The following MICU2 variants were observed in gnomAD, a reference collection of about 807,000 sequenced individuals.
MICU2 encodes the protein calcium uptake protein 2, mitochondrial.
In MICU2, 64 loss-of-function variants were observed where a neutral mutation model predicts 60.4. That is an observed-to-expected ratio of 1.06 (90% CI 0.87 to 1.31). The LOEUF (loss-of-function observed/expected upper bound fraction) is 1.31, where lower values mean the gene tolerates loss of function less well. Ranked by LOEUF, MICU2 falls within the 50% of genes most tolerant of loss-of-function variation. The pLI, the probability that MICU2 is intolerant of heterozygous loss-of-function variation, is 0.00. For missense variants in MICU2, 569 were observed against 531.0 expected (o/e 1.07, Z -0.70); for synonymous variants, 201 against 175.0 (o/e 1.15, Z -1.17).
At position 21,514,487 on chromosome 13, in the gene MICU2, A is replaced by C. The variant is rs1886515311; in HGVS notation, c.598-69T>G. 8.4e-6 allele frequency: 9 copies of C among 1,066,954 alleles called. No homozygotes were observed. The Admixed American group carries it at 1.4e-4, about 17-fold the overall frequency. 66.1% of individuals were successfully genotyped at this position (1,066,954 alleles called of 1,614,324 possible). A position where few individuals can be genotyped will look rare whatever the true frequency, so the allele number is the denominator to read the frequency against. ...TTTTTCAAAACAACCTAAAAAATAG[A>C]TGCCAACTTATTGTTATAAAATATA... On this transcript the variant is annotated intron_variant, in intron 6 of 11. Coordinates refer to ENST00000382374, the MANE Select transcript of MICU2 (RefSeq NM_152726.3).
intron 4 of MICU2, among the ~76,000 whole-genome samples, chr13:21,528,753 A>C (rs1886916860): frequency 1.3e-5 from 2 of 152,260 alleles, no homozygotes; most frequent in Admixed American, 6.5e-5. Context: ...AGCAATTATA[A>C]TAAAACGTGG....
intron 8 of MICU2, among the ~76,000 whole-genome samples, chr13:21,506,447 CA>C (rs1019460164): frequency 6.6e-6 from 1 of 152,148 alleles, no homozygotes; most frequent in Non-Finnish European, 1.5e-5. Context: ...GGTATTTGCA[CA>C]AATTCATGGT....
chr13:21,576,760 C>T (rs1223130959), intron 1 of MICU2, among the ~76,000 whole-genome samples: 1 of 152,188 alleles, frequency 6.6e-6, no homozygotes, highest in East Asian at 1.9e-4. Context: ...TGAATACTGA[C>T]TGATAGCAGT....
chr13:21,510,413 T>C (rs1405251383), intron 7 of MICU2, among the ~76,000 whole-genome samples: 2 of 152,202 alleles, frequency 1.3e-5, no homozygotes, highest in Non-Finnish European at 2.9e-5. Flanking sequence ...CTTCAAAATA[T>C]GATCTCTAGG....
At chr13:21,561,592 T>C (rs1244366125) in intron 2 of MICU2, among the ~76,000 whole-genome samples, 3 of 151,868 alleles carry the variant, frequency 2.0e-5, no homozygotes. Context: ...ATTTCCCTCA[T>C]TCTGAAATTT....
At chr13:21,577,674 G>A (rs1345900777) in intron 1 of MICU2, among the ~76,000 whole-genome samples, 4 of 151,646 alleles carry the variant, frequency 2.6e-5, no homozygotes, top group African/African-American at 7.3e-5. Context: ...GTGTGGTGGC[G>A]TGCACCTGTA....
intron 1 of MICU2, among the ~76,000 whole-genome samples, chr13:21,599,583 A>C (rs1330984354): frequency 1.3e-5 from 2 of 152,238 alleles, no homozygotes. Context: ...TTTGTTGGCC[A>C]GGTATAACAA....
At chr13:21,555,532 T>G (rs981126717) in intron 2 of MICU2, among the ~76,000 whole-genome samples, 5 of 152,086 alleles carry the variant, frequency 3.3e-5, no homozygotes, top group Non-Finnish European at 5.9e-5. Flanking sequence ...AAAATAATAA[T>G]AGCTATCTAT....
intron 10 of MICU2, 28 bp from the exon 11 acceptor site, chr13:21,495,346 CAACTATGTGAAAT>C (rs1255609740): frequency 1.3e-6 from 2 of 1,541,580 alleles, no homozygotes; most frequent in Admixed American, 4.0e-5. Context: ...AACAACTTAT[CAACTATGTGAAAT>C]AGTCTAAGTG....
chr13:21,602,559 A>T (rs756238823), intron 1 of MICU2, among the ~76,000 whole-genome samples: 1 of 152,014 alleles, frequency 6.6e-6, no homozygotes, highest in Non-Finnish European at 1.5e-5. Flanking sequence ...AAACAAAAAA[A>T]CCAGGATGAA....
rs1886703016 is a variant in MICU2 at position 21,520,940 on chromosome 13, T to C, written c.597+305A>G. On this transcript the variant is annotated intron_variant, in intron 6 of 11. Coordinates refer to ENST00000382374, the MANE Select transcript of MICU2 (RefSeq NM_152726.3). The stretch of plus-strand genomic sequence containing the variant: ...TATAATTTTAGCATATCAACACATA[T>C]TCTTTAAAAAATATATATCCTATGA... Among the ~76,000 whole-genome samples the C allele has an allele frequency of 2.0e-5, 3 of 152,094 alleles. No individual in the cohort carries two copies. The South Asian group carries it at 6.2e-4, about 31-fold the overall frequency.
At chr13:21,553,015 T>G (rs1433591125) in intron 2 of MICU2, among the ~76,000 whole-genome samples, 1 of 152,218 alleles carries the variant, frequency 6.6e-6, no homozygotes, top group East Asian at 1.9e-4. Flanking sequence ...ATAAATTACC[T>G]GGGGCAGTAT....
chr13:21,572,756 A>T (rs989390280), intron 1 of MICU2, among the ~76,000 whole-genome samples: 2 of 152,006 alleles, frequency 1.3e-5, no homozygotes, highest in South Asian at 4.1e-4. Context: ...GGGTCCTGGG[A>T]TTTTAAATTT....
chr13:21,522,907 T>C (rs962895672), intron 4 of MICU2, among the ~76,000 whole-genome samples: 4 of 152,218 alleles, frequency 2.6e-5, no homozygotes, highest in Non-Finnish European at 4.4e-5. Context: ...TGTCACAGAC[T>C]GAACATCTTG....
At chr13:21,515,202 C>T (rs908426501) in intron 6 of MICU2, among the ~76,000 whole-genome samples, 3 of 151,936 alleles carry the variant, frequency 2.0e-5, no homozygotes, top group African/African-American at 7.3e-5. Context: ...CTGCCTCAGC[C>T]TCCCGAGTAG....
intron 8 of MICU2, 32 bp downstream of exon 8, chr13:21,509,972 T>G (rs1208577797): frequency 7.9e-7 from 1 of 1,264,580 alleles, no homozygotes; most frequent in Non-Finnish European, 1.1e-6. Flanking sequence ...CCCATAAAAT[T>G]TCCCTAAATG....
At chr13:21,545,699 G>T (rs1417029180) in intron 2 of MICU2, among the ~76,000 whole-genome samples, 1 of 151,850 alleles carries the variant, frequency 6.6e-6, no homozygotes, top group Non-Finnish European at 1.5e-5. Context: ...TGATATCATA[G>T]AAGTAGAAAG....
chr13:21,542,055 A>G (rs1233587682), intron 2 of MICU2, among the ~76,000 whole-genome samples: 3 of 152,042 alleles, frequency 2.0e-5, no homozygotes, highest in African/African-American at 7.2e-5. Context: ...AAGACAAGGC[A>G]AAGATACTAG....
intron 1 of MICU2, among the ~76,000 whole-genome samples, chr13:21,600,089 C>T (rs1297486793): frequency 6.6e-6 from 1 of 152,054 alleles, no homozygotes; most frequent in Non-Finnish European, 1.5e-5. Flanking sequence ...TTCATGGATC[C>T]CCTAAATTCT....
Sources: gnomAD v4.1 joint callset for allele counts (sites outside exome capture counted in the v4.1 genomes callset) on GRCh38, gnomAD v4.1.1 for gene constraint, MANE v1.5 for transcripts, NCBI Gene and HGNC (gene_info 2026-07-23, HGNC 2026-07-21) for gene names.